The following ASNS variants were observed in gnomAD, a reference collection of about 807,000 sequenced individuals.
The protein encoded by ASNS is asparagine synthetase (glutamine-hydrolyzing), also known as asparagine synthetase [glutamine-hydrolyzing].
ASNS carries 37 observed loss-of-function variants against 62.6 expected under a neutral mutation model. The observed-to-expected ratio is 0.59, with a 90% CI of 0.45 to 0.78. ASNS has a LOEUF of 0.78. ASNS is among the 30% of genes least tolerant of loss of function. The pLI is 0.00. For missense variants in ASNS, 520 were observed against 682.4 expected (o/e 0.76, Z 2.65); for synonymous variants, 207 against 237.9 (o/e 0.87, Z 1.19).
At chr7:97,882,609 G>T in the ASNS span, among the ~76,000 whole-genome samples, 1 of 146,204 alleles carries the variant, frequency 6.8e-6, no homozygotes, top group Non-Finnish European at 1.5e-5. Context: ...TCACTCCATT[G>T]ACTTACAGAG....
chr7:97,921,268 A>C, the ASNS span, among the ~76,000 whole-genome samples: 1 of 152,140 alleles, frequency 6.6e-6, no homozygotes, highest in Non-Finnish European at 1.5e-5. Flanking sequence ...CTCTTAATCT[A>C]AGACTGTCGG....
At chr7:97,896,248 G>C in the ASNS span, among the ~76,000 whole-genome samples, 2 of 151,862 alleles carry the variant, frequency 1.3e-5, no homozygotes, top group Non-Finnish European at 2.9e-5. Context: ...GAGCAATACT[G>C]AGCAAAAAGA....
chr7:97,882,769 G>A, the ASNS span, among the ~76,000 whole-genome samples: 1 of 152,126 alleles, frequency 6.6e-6, no homozygotes, highest in East Asian at 1.9e-4. Context: ...ATAAGGTTGT[G>A]TCACTCAAAG....
the ASNS span, among the ~76,000 whole-genome samples, chr7:97,894,304 C>T: frequency 2.0e-5 from 3 of 151,510 alleles, no homozygotes; most frequent in Non-Finnish European, 4.4e-5. Context: ...TGATGCACCT[C>T]AAGGAACTCA....
rs1310531462 is a variant in ASNS, at chr7:97,851,846, C to A, written c.*413G>T. ...ATGAACTCCTATAGAAGATTCAAGT[C>A]TGAGTCTGCCTAGGCAGCTGTTAGG... On this transcript the variant is annotated 3_prime_UTR_variant, in exon 13 of 13. Transcript: ENST00000394308. 5 of 184,580 alleles carry A rather than the reference C, an allele frequency of 2.7e-5. No individual in the cohort carries two copies. In the East Asian group the frequency reaches 7.1e-4, roughly 26 times the overall value. 11.4% of individuals were successfully genotyped at this position (184,580 alleles called of 1,614,324 possible).
intron 3 of ASNS, among the ~76,000 whole-genome samples, chr7:97,866,991 T>A (rs1172860258): frequency 2.0e-5 from 3 of 152,236 alleles, no homozygotes; most frequent in Non-Finnish European, 4.4e-5. Flanking sequence ...ACCCACCTCT[T>A]TGGCCTAAAC....
At chr7:97,858,806 C>A (rs958872669) in intron 6 of ASNS, 48 bp downstream of exon 6, 1 of 1,515,114 alleles carries the variant, frequency 6.6e-7, no homozygotes, top group Admixed American at 1.9e-5. Flanking sequence ...CAAATCATTT[C>A]AATTAAACAC....
chr7:97,919,096 G>A, the ASNS span, among the ~76,000 whole-genome samples: 18 of 151,598 alleles, frequency 1.2e-4, no homozygotes, highest in South Asian at 2.5e-3. Context: ...ACATAGTCTC[G>A]CTCTATTGCC....
chr7:97,905,012 C>T, the ASNS span, among the ~76,000 whole-genome samples: 1 of 152,188 alleles, frequency 6.6e-6, no homozygotes, highest in Admixed American at 6.5e-5. Context: ...TGACCATGTT[C>T]TCACCATCAA....
the ASNS span, among the ~76,000 whole-genome samples, chr7:97,878,358 G>C: frequency 9.9e-5 from 15 of 152,202 alleles, no homozygotes; most frequent in African/African-American, 3.6e-4. Flanking sequence ...GATCATGAGA[G>C]AGTCGTGATC....
upstream of ASNS, chr7:97,872,572 A>T (rs1792341690): frequency 6.6e-6 from 1 of 152,232 alleles, no homozygotes. Context: ...CGCAAGGAGG[A>T]GCTCTTTTGT....
At chr7:97,903,542 G>A in the ASNS span, among the ~76,000 whole-genome samples, 1 of 152,130 alleles carries the variant, frequency 6.6e-6, no homozygotes. Context: ...TTCACTCCAG[G>A]GAGGTACCTA....
chr7:97,898,428 C>T, the ASNS span: 7 of 519,262 alleles, frequency 1.3e-5, 1 homozygote, highest in South Asian at 1.1e-4. Flanking sequence ...TCCAGAACTA[C>T]TACCTTCACC....
chr7:97,900,079 G>A, the ASNS span, among the ~76,000 whole-genome samples: 2 of 152,094 alleles, frequency 1.3e-5, no homozygotes, highest in Non-Finnish European at 2.9e-5. Flanking sequence ...GAGAAAATTG[G>A]CCTGGTGCAG....
At chr7:97,873,060 C>T (rs543717087), upstream of ASNS, among the ~76,000 whole-genome samples, 14 of 152,274 alleles carry the variant, frequency 9.2e-5, no homozygotes, top group African/African-American at 3.4e-4. Flanking sequence ...AAAGGGAGAC[C>T]CCCATCTCTA....
chr7:97,885,105 C>T, the ASNS span, among the ~76,000 whole-genome samples: 3 of 150,580 alleles, frequency 2.0e-5, no homozygotes, highest in East Asian at 1.9e-4. Context: ...CATAGATTTG[C>T]GTGTTCTGGA....
the ASNS span, among the ~76,000 whole-genome samples, chr7:97,886,698 A>G: frequency 6.6e-6 from 1 of 152,184 alleles, no homozygotes; most frequent in Non-Finnish European, 1.5e-5. Context: ...GCCAAATGCA[A>G]TACTGTGGAT....
chr7:97,854,558 C>T (rs199690888), intron 10 of ASNS, 22 bp downstream of exon 10: 2 of 1,601,248 alleles, frequency 1.2e-6, no homozygotes, highest in East Asian at 2.2e-5. Flanking sequence ...TTTTGTTTTA[C>T]AATAGCCTCT....
chr7:97,868,536 T>C (rs28525152), intron 3 of ASNS, among the ~76,000 whole-genome samples: 121 of 151,648 alleles, frequency 8.0e-4, no homozygotes, highest in African/African-American at 1.8e-3. Flanking sequence ...TGTGTGTGTG[T>C]GTGTGTGTAG....
Sources: allele counts gnomAD v4.1 joint callset (sites outside exome capture counted in the v4.1 genomes callset), GRCh38; gene constraint gnomAD v4.1.1; transcripts MANE v1.5; gene names NCBI Gene and HGNC (gene_info 2026-07-23, HGNC 2026-07-21).